Variants in MYO18A observed in about 807,000 individuals in gnomAD.
The protein encoded by MYO18A is unconventional myosin-XVIIIa.
A neutral mutation model predicts 235.8 loss-of-function variants in MYO18A; 78 were observed. The ratio of observed to expected loss-of-function variants is 0.33; its 90% CI spans 0.28 to 0.40. The LOEUF is 0.40. Ranked by LOEUF, MYO18A falls within the 10% of genes least tolerant of loss-of-function variation. The probability of loss-of-function intolerance (pLI) is 1.00; values close to 1 mark genes in which losing one functional copy is unlikely to be tolerated. For synonymous variants in MYO18A, 977 were observed against 1,077.8 expected (o/e 0.91, Z 1.83); for missense variants, 2,215 against 2,699.3 (o/e 0.82, Z 3.98).
rs745875491 is a variant in MYO18A, at chr17:29,115,114, C to T, written c.2319-15G>A. ...ACTTGAGAGCCCTGGATAGGGACAG[C>T]CTGGGTCAGAGCCTCGCTGGTTGGC... On this transcript the variant is annotated splice_polypyrimidine_tract_variant and intron_variant, in intron 13 of 41. Transcript: ENST00000527372. 5.6e-6 allele frequency: 9 copies of T among 1,604,172 alleles called. No homozygotes were observed. In the South Asian group the frequency reaches 1.0e-4, roughly 18 times the overall value.
At position 29,115,453 on chromosome 17, in the gene MYO18A, G is replaced by A. The variant is rs1467358830; in HGVS notation, c.2228-12C>T. On this transcript the variant is annotated splice_polypyrimidine_tract_variant and intron_variant, in intron 12 of 41. Transcript: ENST00000527372. The stretch of plus-strand genomic sequence containing the variant: ...ACTCAGTTTCGGGCCTGTGGGGCAG[G>A]GGGAGCAGCGCTATCTCCTTCTCCC... 3 of 1,611,806 alleles carry A rather than the reference G, an allele frequency of 1.9e-6. No homozygotes were observed. Among genetic ancestry groups the A allele is most frequent in the South Asian group, 1.1e-5 (1 of 90,686 alleles).
At chr17:29,152,022 C>G (rs779996707) in intron 2 of MYO18A, among the ~76,000 whole-genome samples, 4 of 152,268 alleles carry the variant, frequency 2.6e-5, no homozygotes, top group Non-Finnish European at 4.4e-5. Flanking sequence ...CCCCCAGCCC[C>G]GCATCCACAG....
chr17:29,179,912 C>T (rs901029795), intron 1 of MYO18A, among the ~76,000 whole-genome samples: 52 of 152,172 alleles, frequency 3.4e-4, no homozygotes, highest in Non-Finnish European at 2.8e-4. Context: ...CTCGCTCCAT[C>T]GTGGGGCCTG....
intron 41 of MYO18A, chr17:29,080,608 A>T: frequency 3.0e-6 from 3 of 985,698 alleles, no homozygotes; most frequent in South Asian, 4.7e-5. Flanking sequence ...CGAGAAACTC[A>T]GGGAAGAGCC....
chr17:29,174,292 G>A (rs1277238105), intron 1 of MYO18A, among the ~76,000 whole-genome samples: 1 of 152,100 alleles, frequency 6.6e-6, no homozygotes, highest in African/African-American at 2.4e-5. Context: ...GACTGCTTGA[G>A]TCCAGGAGTT....
intron 40 of MYO18A, among the ~76,000 whole-genome samples, chr17:29,084,055 G>A (rs540170728): frequency 1.3e-5 from 2 of 152,178 alleles, no homozygotes; most frequent in South Asian, 4.2e-4. Context: ...GCCTTACTGC[G>A]CTGGGCTCAA....
intron 15 of MYO18A, among the ~76,000 whole-genome samples, chr17:29,113,096 G>A (rs944270383): frequency 1.3e-5 from 2 of 152,218 alleles, no homozygotes; most frequent in African/African-American, 2.4e-5. Flanking sequence ...GAACCACAAC[G>A]GTTCTGAGTG....
At chr17:29,136,896 T>C (rs1230653535) in intron 2 of MYO18A, 1 of 152,208 alleles carries the variant, frequency 6.6e-6, no homozygotes, top group Non-Finnish European at 1.5e-5. Context: ...AATCGAGTTT[T>C]TGGATGTGCA....
intron 2 of MYO18A, among the ~76,000 whole-genome samples, chr17:29,141,474 C>A (rs974078545): frequency 5.3e-5 from 8 of 152,114 alleles, no homozygotes; most frequent in Middle Eastern, 3.4e-3. Context: ...TGCTAGGAAG[C>A]CCTGATACAG....
Position 29,099,631 on chromosome 17 carries a change from C to A in MYO18A, c.3636+3G>T. Reference sequence around the variant, plus strand: ...AGGGGGAGGGATGTCTCTAGAGCAGCACCTTTCTCTTCTTGAAGTGCTGGC... The same window carrying A: ...AGGGGGAGGGATGTCTCTAGAGCAGAACCTTTCTCTTCTTGAAGTGCTGGC... On this transcript the variant is annotated splice_donor_region_variant and intron_variant, in intron 22 of 41. Coordinates refer to ENST00000527372, the MANE Select transcript of MYO18A (RefSeq NM_078471.4). 6.2e-7 allele frequency: 1 copy of A among 1,613,024 alleles called. No homozygotes were observed. The highest frequency in any genetic ancestry group is 8.5e-7 in the Non-Finnish European group (1 of 1,179,402).
Position 29,074,309 on chromosome 17 carries a change from C to A in MYO18A, c.*461G>T. 1 of 1,031,064 alleles carries A rather than the reference C, an allele frequency of 9.7e-7. No homozygotes were observed. 63.9% of individuals were successfully genotyped at this position (1,031,064 alleles called of 1,614,324 possible). A position where few individuals can be genotyped will look rare whatever the true frequency, so the allele number is the denominator to read the frequency against. Reference sequence around the variant, plus strand: ...TTTAAATTAAAAAGTAGAAAGACAGCAGGCACCAAGAAGAGAGAGCCCCCA... The same window carrying A: ...TTTAAATTAAAAAGTAGAAAGACAGAAGGCACCAAGAAGAGAGAGCCCCCA... On this transcript the variant is annotated 3_prime_UTR_variant, in exon 42 of 42. Coordinates refer to ENST00000527372, the MANE Select transcript of MYO18A (RefSeq NM_078471.4). The surrounding 1 kb of genome is among the most constrained non-coding windows in gnomAD (Gnocchi z 4.4).
At position 29,117,433 on chromosome 17, in the gene MYO18A, C is replaced by A. The variant is rs980034495; in HGVS notation, c.2038+612G>T. 6.6e-6 allele frequency among the ~76,000 whole-genome samples: 1 copy of A among 152,088 alleles called. No homozygotes were observed. Among genetic ancestry groups the A allele is most frequent in the South Asian group, 2.1e-4 (1 of 4,818 alleles). On this transcript the variant is annotated intron_variant, in intron 10 of 41. Coordinates refer to ENST00000527372, the MANE Select transcript of MYO18A (RefSeq NM_078471.4). The surrounding 1 kb of genome is among the most constrained non-coding windows in gnomAD (Gnocchi z 4.6). The stretch of plus-strand genomic sequence containing the variant: ...GGGAGGCCCCAGGTAGCAAGCCCAC[C>A]CTACCCCACCCCACGGTGGGCATCC...
At chr17:29,108,997 A>G (rs2066862203) in intron 19 of MYO18A, among the ~76,000 whole-genome samples, 1 of 152,088 alleles carries the variant, frequency 6.6e-6, no homozygotes, top group Admixed American at 6.5e-5. Context: ...AGAGCAGGGC[A>G]GGGAGCCTGT....
Position 29,082,194 on chromosome 17 carries a change from G to A in MYO18A, c.6020+122C>T, listed in dbSNP as rs116944021. 2,640 of 1,323,354 alleles carry A rather than the reference G, an allele frequency of 2.0e-3. 7 individuals are homozygous for A. The highest frequency in any genetic ancestry group is 2.6e-3 in the Non-Finnish European group (2,417 of 945,614). 82.0% of individuals were successfully genotyped at this position (1,323,354 alleles called of 1,614,324 possible). ...CCATGCACATGCCAGAAGCATGCCC[G>A]GGCCGCAGTCACAAATGCCAGACAA... On this transcript the variant is annotated intron_variant, in intron 41 of 41. Transcript: ENST00000527372.
At position 29,087,668 on chromosome 17, in the gene MYO18A, G is replaced by T. The variant is rs558465456; in HGVS notation, c.5527-547C>A. ...GATGCTGAGCAAAAAATGACCTGGA[G>T]AGAGGGGCTGAATGTGAGGGAAGAA... On this transcript the variant is annotated intron_variant, in intron 37 of 41. Transcript: ENST00000527372. Among the ~76,000 whole-genome samples, 195 of 152,290 alleles carry T rather than the reference G, an allele frequency of 1.3e-3. 7 individuals carry two copies. The South Asian group carries it at 0.038, about 29-fold the overall frequency.
chr17:29,171,298 G>A (rs530939051), intron 1 of MYO18A, among the ~76,000 whole-genome samples: 4 of 152,192 alleles, frequency 2.6e-5, no homozygotes, highest in African/African-American at 7.2e-5. Context: ...TTAGCCGGGC[G>A]TGGCAGCACA....
At chr17:29,097,421 GA>G in intron 26 of MYO18A, 71 bp from the exon 27 acceptor site, 1 of 1,576,692 alleles carries the variant, frequency 6.3e-7, no homozygotes, top group Non-Finnish European at 8.6e-7. Context: ...GGGGAAGGAG[GA>G]TGGGGCAGGG....
At position 29,166,926 on chromosome 17, in the gene MYO18A, C is replaced by A; in HGVS notation, c.15G>T (p.Met5Ile). 6.5e-7 allele frequency: 1 copy of A among 1,543,970 alleles called. No individual in the cohort carries two copies. The highest frequency in any genetic ancestry group is 8.8e-7 in the Non-Finnish European group (1 of 1,142,144). ...CGCCATCTTTGTCCTTGTCTTTCTT[C>A]ATTAGGTTAAACATGGTGGGGGTGC... is the stretch of plus-strand genomic sequence containing the variant. MFNL[M>I]KKDKDKDGGR... is the part of the protein sequence containing the mutation. Residue 5 changes from methionine (M) to isoleucine (I), a missense_variant, in exon 2 of 42, where the codon ATG becomes ATT. Met to Ile is a conservative substitution (Grantham distance 10). Transcript: ENST00000527372.
At chr17:29,104,714 T>C (rs746205316) in intron 20 of MYO18A, among the ~76,000 whole-genome samples, 1 of 151,644 alleles carries the variant, frequency 6.6e-6, no homozygotes, top group Non-Finnish European at 1.5e-5. Context: ...AAGGACAGAG[T>C]CCTGAGGAAG....
Sources: allele counts gnomAD v4.1 joint callset (sites outside exome capture counted in the v4.1 genomes callset), GRCh38; gene constraint gnomAD v4.1.1; non-coding constraint Gnocchi (gnomAD v3.1); transcripts MANE v1.5; gene names NCBI Gene and HGNC (gene_info 2026-07-23, HGNC 2026-07-21).